Variants in ZMAT4 observed in about 807,000 individuals in gnomAD.
The protein encoded by ZMAT4 is zinc finger matrin-type protein 4.
Under a neutral mutation model 28.7 loss-of-function variants are expected in ZMAT4, and 17 were observed. That is an observed-to-expected ratio of 0.59 (90% CI 0.41 to 0.89). ZMAT4 has a LOEUF of 0.89. Among genes scored for constraint, ZMAT4 ranks in the 40% least tolerant of loss-of-function variants. ZMAT4 has a pLI of 0.00. For missense variants in ZMAT4, 240 were observed against 283.8 expected (o/e 0.85, Z 1.11); for synonymous variants, 117 against 109.2 (o/e 1.07, Z -0.44).
At chr8:40,629,499 G>A (rs1417754674) in intron 5 of ZMAT4, among the ~76,000 whole-genome samples, 7 of 151,516 alleles carry the variant, frequency 4.6e-5, no homozygotes, top group East Asian at 1.9e-4. Flanking sequence ...TTGGTGTGCT[G>A]CACCCATTAA....
intron 3 of ZMAT4, among the ~76,000 whole-genome samples, chr8:40,762,138 C>T (rs577556961): frequency 1.7e-4 from 26 of 152,298 alleles, no homozygotes; most frequent in African/African-American, 6.0e-4. Flanking sequence ...GTCAACGTTA[C>T]GCACAATGTC....
chr8:40,722,386 T>C (rs1811139758), intron 3 of ZMAT4, among the ~76,000 whole-genome samples: 1 of 152,226 alleles, frequency 6.6e-6, no homozygotes, highest in Non-Finnish European at 1.5e-5. Context: ...TTAGAGCTAT[T>C]AGCCAGAAGC....
intron 1 of ZMAT4, among the ~76,000 whole-genome samples, chr8:40,889,260 G>A (rs1358609836): frequency 6.6e-6 from 1 of 152,220 alleles, no homozygotes; most frequent in African/African-American, 2.4e-5. Context: ...TGCAGCAGAG[G>A]TCCAGCCCTT....
At chr8:40,719,416 T>C (rs1022939778) in intron 3 of ZMAT4, among the ~76,000 whole-genome samples, 3 of 151,866 alleles carry the variant, frequency 2.0e-5, no homozygotes, top group Non-Finnish European at 4.4e-5. Flanking sequence ...AACCTGGGTG[T>C]CACGCAAGAT....
chr8:40,869,930 G>A (rs1260801937), intron 1 of ZMAT4, among the ~76,000 whole-genome samples: 1 of 151,978 alleles, frequency 6.6e-6, no homozygotes, highest in Non-Finnish European at 1.5e-5. Context: ...CCATCCTTAG[G>A]CATGTTTCCA....
At chr8:40,820,831 A>G (rs868434067) in intron 2 of ZMAT4, among the ~76,000 whole-genome samples, 8 of 9,400 alleles carry the variant, frequency 8.5e-4, no homozygotes, top group Non-Finnish European at 1.4e-3. Context: ...GTGTATGTTT[A>G]TGTGTGTATG....
At chr8:40,788,963 G>C (rs571279694) in intron 2 of ZMAT4, among the ~76,000 whole-genome samples, 9 of 136,974 alleles carry the variant, frequency 6.6e-5, no homozygotes, top group African/African-American at 2.4e-4. Context: ...CAGAAAGAGA[G>C]AGAGGAAGGG....
At chr8:40,683,275 G>T (rs1310136949) in intron 4 of ZMAT4, among the ~76,000 whole-genome samples, 1 of 152,108 alleles carries the variant, frequency 6.6e-6, no homozygotes, top group Non-Finnish European at 1.5e-5. Context: ...TGTCCAGACG[G>T]ATCTGAAAAT....
chr8:40,628,336 T>C (rs1806449956), intron 5 of ZMAT4, among the ~76,000 whole-genome samples: 1 of 152,220 alleles, frequency 6.6e-6, no homozygotes, highest in African/African-American at 2.4e-5. Flanking sequence ...CACTGAATAA[T>C]ATTTTGGAAG....
intron 1 of ZMAT4, among the ~76,000 whole-genome samples, chr8:40,839,127 A>C (rs1816606170): frequency 6.6e-6 from 1 of 152,140 alleles, no homozygotes; most frequent in Non-Finnish European, 1.5e-5. Flanking sequence ...TTGAAGAATC[A>C]CCTTGGGCAG....
At chr8:40,577,883 A>C (rs1030183254) in intron 6 of ZMAT4, among the ~76,000 whole-genome samples, 1 of 152,020 alleles carries the variant, frequency 6.6e-6, no homozygotes, top group Non-Finnish European at 1.5e-5. Flanking sequence ...ATAAATCTAA[A>C]TAAAGATGTT....
intron 1 of ZMAT4, among the ~76,000 whole-genome samples, chr8:40,851,473 T>C (rs558113230): frequency 6.6e-6 from 1 of 152,376 alleles, no homozygotes; most frequent in African/African-American, 2.4e-5. Context: ...AATAGTTGTG[T>C]ACTAATGTTA....
intron 2 of ZMAT4, among the ~76,000 whole-genome samples, chr8:40,819,129 A>T (rs1815651109): frequency 6.6e-6 from 1 of 152,098 alleles, no homozygotes; most frequent in South Asian, 2.1e-4. Context: ...GAAACAGAAA[A>T]AATATACATG....
intron 3 of ZMAT4, among the ~76,000 whole-genome samples, chr8:40,708,127 C>T (rs1436975079): frequency 1.3e-5 from 2 of 152,174 alleles, no homozygotes; most frequent in South Asian, 2.1e-4. Flanking sequence ...AGTAATAGCA[C>T]AAAATCTGCA....
At chr8:40,893,818 G>A (rs564312195) in intron 1 of ZMAT4, among the ~76,000 whole-genome samples, 48 of 152,066 alleles carry the variant, frequency 3.2e-4, no homozygotes, top group Non-Finnish European at 4.9e-4. Flanking sequence ...TCTTACCCTC[G>A]TCCCACCCTC....
intron 1 of ZMAT4, among the ~76,000 whole-genome samples, chr8:40,860,909 G>A (rs993112142): frequency 6.6e-6 from 1 of 152,142 alleles, no homozygotes; most frequent in Non-Finnish European, 1.5e-5. Context: ...CCACCATCGG[G>A]AAGGCCAAGA....
At chr8:40,815,821 C>T (rs758403577) in intron 2 of ZMAT4, among the ~76,000 whole-genome samples, 6 of 152,172 alleles carry the variant, frequency 3.9e-5, no homozygotes, top group Non-Finnish European at 8.8e-5. Flanking sequence ...ATTCTTTTGC[C>T]TTTTAGACAA....
At chr8:40,764,504 C>CATA (rs1469811751) in intron 3 of ZMAT4, among the ~76,000 whole-genome samples, 1 of 152,018 alleles carries the variant, frequency 6.6e-6, no homozygotes, top group Non-Finnish European at 1.5e-5. Flanking sequence ...GAGCAGGGTT[C>CATA]ATACATGGTC....
chr8:40,625,839 G>A (rs1041299046), intron 5 of ZMAT4, among the ~76,000 whole-genome samples: 9 of 10,188 alleles, frequency 8.8e-4, no homozygotes, highest in Middle Eastern at 0.5. Context: ...GGCTGGGCGC[G>A]GTGGAATCAT....
Sources: gnomAD v4.1 joint callset for allele counts (sites outside exome capture counted in the v4.1 genomes callset) on GRCh38, gnomAD v4.1.1 for gene constraint, MANE v1.5 for transcripts, NCBI Gene and HGNC (gene_info 2026-07-23, HGNC 2026-07-21) for gene names.